Variants in NPTN observed in about 807,000 individuals in gnomAD.
NPTN encodes the protein neuroplastin.
In NPTN, 5 loss-of-function variants were observed where a neutral mutation model predicts 42.7. That is an observed-to-expected ratio of 0.12 (90% confidence interval 0.06 to 0.25). NPTN has a LOEUF of 0.25. Among genes scored for constraint, NPTN ranks in the 10% least tolerant of loss-of-function variants. The pLI, the probability that NPTN is intolerant of heterozygous loss-of-function variation, is 1.00. For synonymous variants in NPTN, 180 were observed against 201.9 expected (o/e 0.89, Z 0.92); for missense variants, 307 against 525.4 (o/e 0.58, Z 4.06).
chr15:73,593,198 T>C (rs17185525), intron 2 of NPTN, among the ~76,000 whole-genome samples: 57,234 of 152,146 alleles, frequency 0.38, 11,881 homozygotes, highest in Admixed American at 0.46. Flanking sequence ...AATCACTCTA[T>C]ATTATTCCTG....
At chr15:73,618,048 G>T (rs118097764) in intron 1 of NPTN, among the ~76,000 whole-genome samples, 1 of 152,148 alleles carries the variant, frequency 6.6e-6, no homozygotes, top group South Asian at 2.1e-4. Flanking sequence ...GTTTCACAAC[G>T]TTTCACGTAT....
chr15:73,622,998 C>T (rs1406970695), intron 1 of NPTN, among the ~76,000 whole-genome samples: 1 of 152,206 alleles, frequency 6.6e-6, no homozygotes, highest in African/African-American at 2.4e-5. Flanking sequence ...GCTGTGGCTT[C>T]TATCACAGCA....
intron 6 of NPTN, chr15:73,568,690 A>T (rs1895184297): frequency 2.0e-6 from 2 of 985,416 alleles, no homozygotes; most frequent in Non-Finnish European, 2.4e-6. Flanking sequence ...CCCAGGTTGC[A>T]GGAAACTAGA....
chr15:73,563,659 C>T (rs1010180089), intron 6 of NPTN: 3 of 727,674 alleles, frequency 4.1e-6, no homozygotes, highest in Non-Finnish European at 5.0e-6. Flanking sequence ...TGAATGCATG[C>T]AGTTTTGGCT....
chr15:73,597,035 T>A lies in NPTN; in HGVS notation c.426A>T (p.Ile142=), dbSNP rs1320793884. The change falls in exon 2 of 9, where the codon ATA becomes ATT. Residue 142 remains isoleucine (I), a synonymous_variant. Transcript: ENST00000345330. The surrounding 1 kb of genome is among the most constrained non-coding windows in gnomAD (Gnocchi z 6.3). The part of the protein sequence containing the change: ...SITWIRAQAT[I]SVLQKPRIVT... ...TGCTGGACTCACTCTGAAGGACGCTTATGGTGGCCTGGGCTCGAATCCATG... is the reference window on the plus strand; with the variant it reads ...TGCTGGACTCACTCTGAAGGACGCTAATGGTGGCCTGGGCTCGAATCCATG... 6.2e-7 allele frequency: 1 copy of A among 1,613,768 alleles called. No homozygotes were observed. The highest frequency in any genetic ancestry group is 8.5e-7 in the Non-Finnish European group (1 of 1,179,844).
At chr15:73,625,290 A>G (rs1595973930) in intron 1 of NPTN, among the ~76,000 whole-genome samples, 2 of 152,232 alleles carry the variant, frequency 1.3e-5, no homozygotes, top group African/African-American at 2.4e-5. Context: ...ATAAATTTCT[A>G]TTAGTCAAAA....
chr15:73,627,336 A>G (rs1305152583), intron 1 of NPTN, among the ~76,000 whole-genome samples: 5 of 152,262 alleles, frequency 3.3e-5, no homozygotes, highest in African/African-American at 1.2e-4. Context: ...AAAACATTCC[A>G]TAATTGTTTC....
chr15:73,587,587 C>T lies in NPTN; in HGVS notation c.643G>A (p.Glu215Lys). ...INKPRAEDSG[E>K]YHCVYHFVSA... is the part of the protein sequence containing the mutation. The stretch of plus-strand genomic sequence containing the variant: ...ACAAAGTGATATACGCAGTGGTATT[C>T]GCCTGAATCCTCAGCTCTCGGCTTA... The change falls in exon 4 of 9, where the codon GAA (glutamate) becomes AAA (lysine). Residue 215 changes from glutamate to lysine, a missense_variant. Coordinates refer to ENST00000345330, the MANE Select transcript of NPTN (RefSeq NM_012428.4). 6.2e-7 allele frequency: 1 copy of T among 1,613,958 alleles called. No individual in the cohort carries two copies.
rs1894625402 is a variant in NPTN at position 73,560,977 on chromosome 15, G to A, written c.*86C>T. 6.6e-6 allele frequency: 1 copy of A among 152,584 alleles called. No individual in the cohort carries two copies. Among genetic ancestry groups the A allele is most frequent in the African/African-American group, 2.4e-5 (1 of 41,428 alleles). The allele number at this position is 152,584 out of a possible 1,614,324, so 9.5% of individuals were successfully genotyped here. A position where few individuals can be genotyped will look rare whatever the true frequency, so the allele number is the denominator to read the frequency against. ...TTGTGGTGTTGCTCACTTGAAAGGG[G>A]AGAGAACCAAAGAGGTCCAAGCAGA... On this transcript the variant is annotated 3_prime_UTR_variant, in exon 9 of 9. Coordinates refer to ENST00000345330, the MANE Select transcript of NPTN (RefSeq NM_012428.4).
chr15:73,582,232 C>G lies in NPTN; in HGVS notation c.706+5292G>C, dbSNP rs528092104. 5.9e-5 allele frequency among the ~76,000 whole-genome samples: 9 copies of G among 152,332 alleles called. No homozygotes were observed. In the South Asian group the frequency reaches 1.5e-3, roughly 25 times the overall value. On this transcript the variant is annotated intron_variant, in intron 4 of 8. Coordinates refer to ENST00000345330, the MANE Select transcript of NPTN (RefSeq NM_012428.4). ...GGTGTTGTCAATGACTAGCCTGTTTCCAAGTAAACACAGAGATTCTGCATT... is the reference window on the plus strand; with the variant it reads ...GGTGTTGTCAATGACTAGCCTGTTTGCAAGTAAACACAGAGATTCTGCATT...
chr15:73,561,857 A>C (rs1398153895), intron 8 of NPTN, 39 bp downstream of exon 8: 1 of 1,394,636 alleles, frequency 7.2e-7, no homozygotes. Context: ...CATTCATTTG[A>C]ATATAATTTT....
intron 6 of NPTN, chr15:73,568,100 A>C (rs1355593075): frequency 1.0e-6 from 1 of 985,342 alleles, no homozygotes; most frequent in Admixed American, 6.1e-5. Flanking sequence ...GTAACCAAGA[A>C]AACTCTTACA....
At chr15:73,609,409 T>A (rs1287637749) in intron 1 of NPTN, among the ~76,000 whole-genome samples, 3 of 152,118 alleles carry the variant, frequency 2.0e-5, no homozygotes, top group African/African-American at 4.8e-5. Flanking sequence ...GGCAGGTGGA[T>A]CACCTGAGGT....
intron 4 of NPTN, among the ~76,000 whole-genome samples, chr15:73,582,616 A>T (rs1047902618): frequency 1.3e-5 from 2 of 152,132 alleles, no homozygotes; most frequent in African/African-American, 4.8e-5. Flanking sequence ...ATGTGCCTTA[A>T]TCTGATGCCC....
intron 4 of NPTN, among the ~76,000 whole-genome samples, chr15:73,574,264 C>T (rs1895563742): frequency 6.6e-6 from 1 of 152,154 alleles, no homozygotes; most frequent in African/African-American, 2.4e-5. Context: ...AGTCCTATTA[C>T]AAGGTATGTA....
At chr15:73,588,276 A>T (rs1411505075) in intron 3 of NPTN, among the ~76,000 whole-genome samples, 1 of 152,190 alleles carries the variant, frequency 6.6e-6, no homozygotes, top group African/African-American at 2.4e-5. Context: ...TAGATAAACA[A>T]GAGAAACAAA....
chr15:73,587,267 T>C (rs1400891232), intron 4 of NPTN, among the ~76,000 whole-genome samples: 1 of 152,250 alleles, frequency 6.6e-6, no homozygotes, highest in Non-Finnish European at 1.5e-5. Flanking sequence ...ATGTAAGTAC[T>C]GCTGATATCC....
intron 8 of NPTN, 87 bp downstream of exon 8, chr15:73,561,809 C>T: frequency 2.1e-6 from 2 of 975,040 alleles, no homozygotes; most frequent in Non-Finnish European, 3.2e-6. Context: ...CTTATAACAC[C>T]AATTACTGAA....
At position 73,633,311 on chromosome 15, in the gene NPTN, G is replaced by A. The variant is rs1898872598; in HGVS notation, c.-96C>T. On this transcript the variant is annotated 5_prime_UTR_variant, in exon 1 of 9. Coordinates refer to ENST00000345330, the MANE Select transcript of NPTN (RefSeq NM_012428.4). The stretch of plus-strand genomic sequence containing the variant: ...AGGGAGGGGGCGGGCGAGTGCGCGA[G>A]GGAGTGAGCGAGGGAGGCAGCCGCG... 4 of 937,296 alleles carry A rather than the reference G, an allele frequency of 4.3e-6. No individual in the cohort carries two copies. The highest frequency in any genetic ancestry group is 3.4e-5 in the African/African-American group (2 of 58,120). 58.1% of individuals were successfully genotyped at this position (937,296 alleles called of 1,614,324 possible). A position where few individuals can be genotyped will look rare whatever the true frequency, so the allele number is the denominator to read the frequency against.
Sources: allele counts gnomAD v4.1 joint callset (sites outside exome capture counted in the v4.1 genomes callset), GRCh38; gene constraint gnomAD v4.1.1; non-coding constraint Gnocchi (gnomAD v3.1); transcripts MANE v1.5; gene names NCBI Gene and HGNC (gene_info 2026-07-23, HGNC 2026-07-21).